The following ZNF618 variants were observed in gnomAD, a reference collection of about 807,000 sequenced individuals.
ZNF618 encodes the protein zinc finger protein 618.
Under a neutral mutation model 103.0 loss-of-function variants are expected in ZNF618, and 34 were observed. That is an observed-to-expected ratio of 0.33 (90% CI 0.25 to 0.44). ZNF618 has a LOEUF of 0.44. Ranked by LOEUF, ZNF618 falls within the 20% of genes least tolerant of loss-of-function variation. The pLI is 1.00. For missense variants in ZNF618, 1,059 were observed against 1,295.4 expected, an observed-to-expected ratio of 0.82 and a Z score of 2.80; for synonymous variants, 551 against 542.2, an observed-to-expected ratio of 1.02 and a Z score of -0.23.
At chr9:113,894,922 T>C (rs79994762) in intron 1 of ZNF618, among the ~76,000 whole-genome samples, 5,481 of 152,256 alleles carry the variant, frequency 0.036, 567 homozygotes, top group East Asian at 0.3. Flanking sequence ...TTTACAATAT[T>C]GTACTTTTTT....
intron 3 of ZNF618, among the ~76,000 whole-genome samples, chr9:113,995,781 C>T (rs1840530021): frequency 6.6e-6 from 1 of 152,160 alleles, no homozygotes; most frequent in African/African-American, 2.4e-5. Flanking sequence ...GATCCACTCA[C>T]TTTCTGAGCC....
intron 1 of ZNF618, among the ~76,000 whole-genome samples, chr9:113,939,961 C>A (rs1834402457): frequency 6.6e-6 from 1 of 151,724 alleles, no homozygotes; most frequent in Non-Finnish European, 1.5e-5. Context: ...TCTTTAACTT[C>A]TGTTTATTTT....
intron 13 of ZNF618, among the ~76,000 whole-genome samples, chr9:114,046,664 G>C (rs138941765): frequency 6.6e-6 from 1 of 152,110 alleles, no homozygotes; most frequent in Non-Finnish European, 1.5e-5. Context: ...CATGATGTTC[G>C]CTGTGGGGGT....
At chr9:114,020,641 T>C (rs10982035) in intron 10 of ZNF618, among the ~76,000 whole-genome samples, 37,744 of 152,048 alleles carry the variant, frequency 0.25, 5,408 homozygotes, top group Middle Eastern at 0.41. Flanking sequence ...TCTTTGTGTA[T>C]TGAATTTGTG....
chr9:113,912,005 G>T (rs7867159), intron 1 of ZNF618, among the ~76,000 whole-genome samples: 11,717 of 152,158 alleles, frequency 0.077, 812 homozygotes, highest in East Asian at 0.3. Context: ...ACAGATTGCT[G>T]GGCCCCACCC....
chr9:113,923,297 T>A (rs541266915), intron 1 of ZNF618, among the ~76,000 whole-genome samples: 1 of 152,332 alleles, frequency 6.6e-6, no homozygotes, highest in South Asian at 2.1e-4. Flanking sequence ...TTTTCTTGTC[T>A]TACTGCATTA....
At chr9:113,940,324 G>T (rs1272351175) in intron 1 of ZNF618, among the ~76,000 whole-genome samples, 1 of 151,978 alleles carries the variant, frequency 6.6e-6, no homozygotes, top group Non-Finnish European at 1.5e-5. Flanking sequence ...TTGAAAAGAT[G>T]TGTATTGTTT....
intron 12 of ZNF618, chr9:114,035,312 G>A: frequency 7.4e-6 from 7 of 939,664 alleles, no homozygotes; most frequent in Non-Finnish European, 8.9e-6. Flanking sequence ...ACGTGCTCCT[G>A]GAGCCTCCAG....
chr9:114,042,223 G>A (rs188241699), intron 13 of ZNF618, among the ~76,000 whole-genome samples: 40 of 152,322 alleles, frequency 2.6e-4, no homozygotes, highest in Admixed American at 6.5e-4. Context: ...AAAGCTAATC[G>A]CTGTTACCAA....
At chr9:114,000,410 A>G (rs1192080227) in intron 4 of ZNF618, among the ~76,000 whole-genome samples, 2 of 152,224 alleles carry the variant, frequency 1.3e-5, no homozygotes, top group African/African-American at 2.4e-5. Context: ...CCGTGACCGC[A>G]TGTGGACCAG....
intron 6 of ZNF618, among the ~76,000 whole-genome samples, 199 bp from the exon 7 acceptor site, chr9:114,007,151 G>A (rs1841822905): frequency 6.6e-6 from 1 of 152,114 alleles, no homozygotes; most frequent in Non-Finnish European, 1.5e-5. Context: ...GCTCATCACC[G>A]GCCCTCCCGG....
intron 2 of ZNF618, among the ~76,000 whole-genome samples, chr9:113,972,842 G>A (rs552962579): frequency 5.9e-5 from 9 of 152,274 alleles, no homozygotes; most frequent in East Asian, 1.9e-4. Flanking sequence ...CGAGGCGGGC[G>A]GATCACTTGA....
intron 13 of ZNF618, among the ~76,000 whole-genome samples, chr9:114,043,669 G>T (rs1845408676): frequency 6.6e-6 from 1 of 152,194 alleles, no homozygotes; most frequent in South Asian, 2.1e-4. Flanking sequence ...CCCACCAGCA[G>T]TGTAAAAGTA....
At chr9:114,041,813 C>G (rs1845209661) in intron 13 of ZNF618, among the ~76,000 whole-genome samples, 1 of 152,172 alleles carries the variant, frequency 6.6e-6, no homozygotes, top group Non-Finnish European at 1.5e-5. Flanking sequence ...GCAATGCGGG[C>G]TCTTTTTTGG....
intron 1 of ZNF618, among the ~76,000 whole-genome samples, chr9:113,918,914 A>G (rs545251179): frequency 1.3e-5 from 2 of 152,174 alleles, no homozygotes; most frequent in Non-Finnish European, 1.5e-5. Flanking sequence ...AGTCACAGTA[A>G]ATAAATTTGG....
intron 1 of ZNF618, among the ~76,000 whole-genome samples, chr9:113,947,257 C>A (rs1030487888): frequency 1.3e-5 from 2 of 152,150 alleles, no homozygotes; most frequent in African/African-American, 4.8e-5. Flanking sequence ...TGGATTTGAA[C>A]CTGGGCTCCT....
intron 1 of ZNF618, among the ~76,000 whole-genome samples, chr9:113,919,567 C>G (rs575159120): frequency 6.6e-6 from 1 of 152,230 alleles, no homozygotes; most frequent in Non-Finnish European, 1.5e-5. Context: ...CGAGTGGTAG[C>G]CTTTTCATAG....
At position 113,904,127 on chromosome 9, in the gene ZNF618, AATT is replaced by A. The variant is rs1830780232; in HGVS notation, c.33+27718_33+27720del. On this transcript the variant is annotated intron_variant, in intron 1 of 14. Coordinates refer to ENST00000374126, the MANE Select transcript of ZNF618 (RefSeq NM_001318042.2). ...TTTATTTTTCTGTTTCATTGTTAATAATTATTGCTGTCTTCAAGTTCATCAATC... is the reference window on the plus strand; with the variant it reads ...TTTATTTTTCTGTTTCATTGTTAATAATTGCTGTCTTCAAGTTCATCAATC... Among the ~76,000 whole-genome samples, 4 of 149,850 alleles carry A rather than the reference AATT, an allele frequency of 2.7e-5. No homozygotes were observed. The South Asian group carries it at 8.4e-4, about 32-fold the overall frequency.
At chr9:113,877,349 T>C (rs1828048734) in intron 1 of ZNF618, among the ~76,000 whole-genome samples, 1 of 152,186 alleles carries the variant, frequency 6.6e-6, no homozygotes, top group Non-Finnish European at 1.5e-5. Context: ...ATTGGCTTTA[T>C]GAAGCAATTA....
Sources: gnomAD v4.1 joint callset for allele counts (sites outside exome capture counted in the v4.1 genomes callset) on GRCh38, gnomAD v4.1.1 for gene constraint, MANE v1.5 for transcripts, NCBI Gene and HGNC (gene_info 2026-07-23, HGNC 2026-07-21) for gene names.